ASCC3: variants seen among roughly 807,000 people sequenced by gnomAD.
The protein encoded by ASCC3 is activating signal cointegrator 1 complex subunit 3, also known as ASC-1 complex subunit P200.
Under a neutral mutation model 256.3 loss-of-function variants are expected in ASCC3, and 158 were observed. The observed-to-expected ratio is 0.62, with a 90% confidence interval of 0.54 to 0.70. The LOEUF (loss-of-function observed/expected upper bound fraction) is 0.70, where lower values mean the gene tolerates loss of function less well. ASCC3 is among the 30% of genes least tolerant of loss of function. ASCC3 has a pLI of 0.00. For synonymous variants in ASCC3, 948 were observed against 883.4 expected (o/e 1.07, Z -1.30); for missense variants, 2,259 against 2,626.0 (o/e 0.86, Z 3.05).
At chr6:100,715,343 C>A in intron 13 of ASCC3, 119 bp downstream of exon 13, 1 of 800,110 alleles carries the variant, frequency 1.2e-6, no homozygotes, top group South Asian at 1.6e-5. Context: ...ACCTCTGAGT[C>A]ATTGCCTCAG....
intron 10 of ASCC3, among the ~76,000 whole-genome samples, chr6:100,751,774 C>T (rs1200542881): frequency 2.2e-5 from 1 of 44,724 alleles, no homozygotes; most frequent in East Asian, 7.3e-4. Context: ...GCAAAGGCTG[C>T]CTATAATTTA....
intron 4 of ASCC3, among the ~76,000 whole-genome samples, chr6:100,837,673 A>G (rs546541771): frequency 1.3e-4 from 20 of 152,124 alleles, no homozygotes; most frequent in African/African-American, 4.8e-4. Context: ...TGTGGAATCT[A>G]AAAAAGCTGA....
chr6:100,605,756 AT>A, intron 32 of ASCC3, 56 bp from the exon 33 acceptor site: 1 of 1,557,904 alleles, frequency 6.4e-7, no homozygotes, highest in Non-Finnish European at 8.8e-7. Context: ...CACAAGGTAT[AT>A]TTACTGATTA....
At chr6:100,824,716 T>C (rs1771214078) in intron 4 of ASCC3, among the ~76,000 whole-genome samples, 1 of 149,980 alleles carries the variant, frequency 6.7e-6, no homozygotes, top group Non-Finnish European at 1.5e-5. Flanking sequence ...ATATGGTACA[T>C]GATAATATCA....
At chr6:100,650,374 T>C (rs531008206) in intron 20 of ASCC3, among the ~76,000 whole-genome samples, 164 bp downstream of exon 20, 2 of 151,840 alleles carry the variant, frequency 1.3e-5, no homozygotes, top group East Asian at 1.9e-4. Context: ...TTTATGAGCA[T>C]AGATTACATA....
At chr6:100,513,390 GGTTT>G (rs1773872929) in intron 39 of ASCC3, among the ~76,000 whole-genome samples, 1 of 152,152 alleles carries the variant, frequency 6.6e-6, no homozygotes, top group South Asian at 2.1e-4. Flanking sequence ...TTATCGAACT[GGTTT>G]GTTTTAGAGA....
chr6:100,795,410 A>G (rs1769561841), intron 8 of ASCC3, among the ~76,000 whole-genome samples: 1 of 152,006 alleles, frequency 6.6e-6, no homozygotes, highest in Non-Finnish European at 1.5e-5. Context: ...ATAAAGAAAA[A>G]GAGACAAAGA....
At chr6:100,702,354 C>T (rs1778395799) in intron 13 of ASCC3, among the ~76,000 whole-genome samples, 1 of 152,140 alleles carries the variant, frequency 6.6e-6, no homozygotes, top group Non-Finnish European at 1.5e-5. Flanking sequence ...GGAACTAAAT[C>T]TATAGTCATG....
intron 3 of ASCC3, among the ~76,000 whole-genome samples, chr6:100,849,631 G>A (rs764325142): frequency 6.6e-6 from 1 of 151,962 alleles, no homozygotes; most frequent in South Asian, 2.1e-4. Flanking sequence ...ATTTATTTAA[G>A]GCATTTTCTC....
At chr6:100,635,887 G>C (rs2114877396) in intron 25 of ASCC3, among the ~76,000 whole-genome samples, 1 of 152,130 alleles carries the variant, frequency 6.6e-6, no homozygotes, top group Admixed American at 6.5e-5. Flanking sequence ...TAAAGCACTA[G>C]CATTTTCTTC....
At chr6:100,777,553 T>C (rs974435004) in intron 8 of ASCC3, among the ~76,000 whole-genome samples, 6 of 152,086 alleles carry the variant, frequency 3.9e-5, no homozygotes, top group African/African-American at 1.4e-4. Context: ...GATGGTGTAA[T>C]GGGGAGTGAG....
intron 13 of ASCC3, among the ~76,000 whole-genome samples, chr6:100,704,374 C>A (rs974923842): frequency 2.0e-5 from 3 of 151,678 alleles, no homozygotes; most frequent in Admixed American, 6.6e-5. Flanking sequence ...AAAAGTCATG[C>A]GAGGCAAATT....
At chr6:100,608,998 G>C (rs1283762236) in intron 30 of ASCC3, among the ~76,000 whole-genome samples, 1 of 149,704 alleles carries the variant, frequency 6.7e-6, no homozygotes, top group African/African-American at 2.5e-5. Flanking sequence ...TCCTGGCCTC[G>C]TGATCCGCCC....
At chr6:100,792,065 A>C (rs760988311) in intron 8 of ASCC3, among the ~76,000 whole-genome samples, 3 of 151,942 alleles carry the variant, frequency 2.0e-5, no homozygotes, top group Non-Finnish European at 4.4e-5. Context: ...ATAATAGTAT[A>C]TGTTTTTATG....
At chr6:100,842,852 G>A (rs894478119) in intron 4 of ASCC3, among the ~76,000 whole-genome samples, 4 of 152,018 alleles carry the variant, frequency 2.6e-5, no homozygotes, top group African/African-American at 7.2e-5. Flanking sequence ...AGGCATCCTT[G>A]TAGTCCTAGC....
intron 37 of ASCC3, among the ~76,000 whole-genome samples, chr6:100,520,781 C>T (rs1774264290): frequency 6.6e-6 from 1 of 152,136 alleles, no homozygotes; most frequent in African/African-American, 2.4e-5. Flanking sequence ...GTGGGCTATA[C>T]CATCTAGGTC....
intron 4 of ASCC3, among the ~76,000 whole-genome samples, chr6:100,820,508 G>T (rs1372118421): frequency 6.6e-6 from 1 of 152,026 alleles, no homozygotes. Flanking sequence ...TGACCTAAAT[G>T]TAAGAGCTAA....
chr6:100,698,184 CTT>C (rs2114994495), intron 13 of ASCC3, among the ~76,000 whole-genome samples: 1 of 152,136 alleles, frequency 6.6e-6, no homozygotes, highest in East Asian at 1.9e-4. Flanking sequence ...CTTTTTATAT[CTT>C]TGCATCCATT....
At chr6:100,543,487 A>G (rs1775564627) in intron 36 of ASCC3, among the ~76,000 whole-genome samples, 1 of 152,142 alleles carries the variant, frequency 6.6e-6, no homozygotes, top group Non-Finnish European at 1.5e-5. Context: ...ATAGAGAGAC[A>G]AATATGTTAA....
Sources: gnomAD v4.1 joint callset for allele counts (sites outside exome capture counted in the v4.1 genomes callset) on GRCh38, gnomAD v4.1.1 for gene constraint, MANE v1.5 for transcripts, NCBI Gene and HGNC (gene_info 2026-07-23, HGNC 2026-07-21) for gene names.